RUFY1: variants seen among roughly 807,000 people sequenced by gnomAD.
RUFY1 encodes the protein RUN and FYVE domain containing 1.
RUFY1 carries 54 observed loss-of-function variants against 94.6 expected under a neutral mutation model. That is an observed-to-expected ratio of 0.57 (90% CI 0.46 to 0.72). The LOEUF is 0.72. Ranked by LOEUF, RUFY1 falls within the 30% of genes least tolerant of loss-of-function variation. The pLI, the probability that RUFY1 is intolerant of heterozygous loss-of-function variation, is 0.00. For missense variants in RUFY1, 883 were observed against 883.9 expected (o/e 1.00, Z 0.01); for synonymous variants, 396 against 347.3 (o/e 1.14, Z -1.56).
At chr5:179,583,653 T>A (rs1764353043) in intron 7 of RUFY1, among the ~76,000 whole-genome samples, 1 of 151,254 alleles carries the variant, frequency 6.6e-6, no homozygotes, top group Non-Finnish European at 1.5e-5. Context: ...CCTGACCACG[T>A]GATCCGCCCG....
intron 13 of RUFY1, among the ~76,000 whole-genome samples, chr5:179,597,916 G>A (rs778774028): frequency 6.6e-6 from 1 of 152,130 alleles, no homozygotes; most frequent in Admixed American, 6.5e-5. Flanking sequence ...GAGGCCGGGC[G>A]CGGTGGCTCA....
chr5:179,582,604 A>G (rs576318156), intron 7 of RUFY1, among the ~76,000 whole-genome samples: 4 of 152,218 alleles, frequency 2.6e-5, no homozygotes, highest in Admixed American at 6.6e-5. Flanking sequence ...TGTAATCCCA[A>G]CACTTTGGGA....
At chr5:179,608,628 G>C (rs1260144044) in intron 17 of RUFY1, 2 of 985,232 alleles carry the variant, frequency 2.0e-6, no homozygotes, top group South Asian at 4.7e-5. Flanking sequence ...TAAACTTTTT[G>C]TCTTAAAAAC....
chr5:179,580,406 C>A (rs866976433), intron 6 of RUFY1, among the ~76,000 whole-genome samples: 26 of 151,764 alleles, frequency 1.7e-4, no homozygotes, highest in Non-Finnish European at 2.8e-4. Context: ...CCACGCCCGG[C>A]TAATTTTTTG....
chr5:179,551,028 TG>T, intron 1 of RUFY1, 149 bp downstream of exon 1: 1 of 682,786 alleles, frequency 1.5e-6, no homozygotes, highest in Non-Finnish European at 1.8e-6. Context: ...TGGCTGCGCC[TG>T]GGTCTTTACT....
At chr5:179,593,723 G>T in intron 11 of RUFY1, 78 bp downstream of exon 11, 2 of 1,536,954 alleles carry the variant, frequency 1.3e-6, no homozygotes, top group South Asian at 1.3e-5. Flanking sequence ...CTTACAAAAT[G>T]AGCGAGTAGA....
intron 1 of RUFY1, chr5:179,559,795 G>C (rs761569407): frequency 3.4e-5 from 44 of 1,283,576 alleles, no homozygotes; most frequent in Admixed American, 3.9e-5. Context: ...TCTGGAGCAG[G>C]AGGCCCAGTG....
intron 17 of RUFY1, 82 bp downstream of exon 17, chr5:179,607,741 TA>T: frequency 8.1e-7 from 1 of 1,240,472 alleles, no homozygotes. Context: ...CAGAAGCCCA[TA>T]TCAGAGCAGG....
chr5:179,554,860 C>T (rs1011037619), intron 1 of RUFY1, among the ~76,000 whole-genome samples: 36 of 151,438 alleles, frequency 2.4e-4, no homozygotes, highest in African/African-American at 8.3e-4. Context: ...CCCAGCTGCT[C>T]GGGAGGCTGA....
chr5:179,559,624 C>A, intron 1 of RUFY1: 1 of 979,094 alleles, frequency 1.0e-6, no homozygotes, highest in Non-Finnish European at 1.2e-6. Flanking sequence ...GGGGGCGGGA[C>A]GCTTTCCCAG....
intron 13 of RUFY1, among the ~76,000 whole-genome samples, chr5:179,597,329 G>C (rs6601056): frequency 6.6e-6 from 1 of 151,992 alleles, no homozygotes; most frequent in Non-Finnish European, 1.5e-5. Context: ...TCTGCCTCCC[G>C]GGTTCACGCC....
intron 9 of RUFY1, among the ~76,000 whole-genome samples, chr5:179,591,200 G>T (rs1201860169): frequency 4.7e-5 from 7 of 148,714 alleles, no homozygotes; most frequent in Non-Finnish European, 7.4e-5. Context: ...TTTTTTTGGT[G>T]GGGGGATGGA....
At chr5:179,601,857 C>T (rs1766453392) in intron 14 of RUFY1, 35 bp from the exon 15 acceptor site, 3 of 1,182,862 alleles carry the variant, frequency 2.5e-6, no homozygotes, top group Middle Eastern at 2.2e-4. Flanking sequence ...CCGTGTAATC[C>T]TCTGTCCAGC....
At chr5:179,576,749 T>TTTA (rs746049614) in intron 5 of RUFY1, among the ~76,000 whole-genome samples, 19 of 152,138 alleles carry the variant, frequency 1.2e-4, no homozygotes, top group Admixed American at 5.2e-4. Context: ...TCCAGAACTT[T>TTTA]TTATTATTAT....
chr5:179,599,470 C>T (rs1766085319), intron 14 of RUFY1: 1 of 152,570 alleles, frequency 6.6e-6, no homozygotes, highest in Admixed American at 6.5e-5. Flanking sequence ...CAGCCCTCCA[C>T]TTCCCCTACA....
intron 2 of RUFY1, among the ~76,000 whole-genome samples, chr5:179,561,700 T>TTTTTTTTTTTTTG (rs764059834): frequency 9.4e-5 from 9 of 95,590 alleles, no homozygotes; most frequent in African/African-American, 2.6e-4. Context: ...TTTTTTTTTT[T>TTTTTTTTTTTTTG]TTTGAAGAGT....
In RUFY1 at chr5:179,598,839, G is replaced by A. The variant is rs112290661; in HGVS notation, c.1761+18G>A. On this transcript the variant is annotated intron_variant, in intron 14 of 17. Transcript: ENST00000319449. ...TGAAAAAGGTGAGGTGGGCCATCCC[G>A]GGAGAGGAGAGCCTCTGGCAGCCTC... 116 of 1,613,804 alleles carry A rather than the reference G, an allele frequency of 7.2e-5. 1 individual carries two copies. The highest frequency in any genetic ancestry group is 3.3e-4 in the East Asian group (15 of 44,870).
intron 14 of RUFY1, 77 bp downstream of exon 14, chr5:179,598,898 C>A: frequency 1.3e-6 from 2 of 1,546,832 alleles, no homozygotes; most frequent in South Asian, 1.2e-5. Flanking sequence ...GCAGGCTCCT[C>A]TCCCCGCACC....
intron 16 of RUFY1, chr5:179,606,222 A>C: frequency 2.1e-6 from 1 of 465,238 alleles, no homozygotes; most frequent in South Asian, 2.5e-5. Flanking sequence ...GAGAGGAGGG[A>C]CCCGCGGATA....
Sources: allele counts gnomAD v4.1 joint callset (sites outside exome capture counted in the v4.1 genomes callset), GRCh38; gene constraint gnomAD v4.1.1; transcripts MANE v1.5; gene names NCBI Gene and HGNC (gene_info 2026-07-23, HGNC 2026-07-21).